Variants in BCLAF3 observed in about 807,000 individuals in gnomAD.
BCLAF3 encodes the protein BCLAF1 and THRAP3 family member 3, also known as transient octamer binding factor 1.
A neutral mutation model predicts 51.2 loss-of-function variants in BCLAF3; 24 were observed. The ratio of observed to expected loss-of-function variants is 0.47; its 90% CI spans 0.34 to 0.66. The LOEUF (loss-of-function observed/expected upper bound fraction) is 0.66, where lower values mean the gene tolerates loss of function less well. Ranked by LOEUF, BCLAF3 falls within the 30% of genes least tolerant of loss-of-function variation. BCLAF3 has a pLI of 0.01. For synonymous variants in BCLAF3, 152 were observed against 176.6 expected (o/e 0.86, Z 1.10); for missense variants, 465 against 525.1 (o/e 0.89, Z 1.12).
Position 19,935,918 on chromosome X carries a change from A to G in BCLAF3, c.1861-20T>C. The stretch of plus-strand genomic sequence containing the variant: ...ATAATTCTGCACGAAAAAAAGTAGT[A>G]GTGTGGGTTAACAGACTTTAAAGTT... On this transcript the variant is annotated intron_variant, in intron 9 of 11. Coordinates refer to ENST00000379682, the MANE Select transcript of BCLAF3 (RefSeq NM_001367774.2). The G allele has an allele frequency of 8.0e-6, 9 of 1,125,242 alleles. No homozygotes were observed. Among genetic ancestry groups the G allele is most frequent in the African/African-American group, 1.8e-5 (1 of 56,056 alleles). The allele number at this position is 1,125,242 out of a possible 1,213,427, so 92.7% of individuals were successfully genotyped here.
chrX:19,929,212 C>T (rs983681699), intron 11 of BCLAF3: 6 of 111,586 alleles, frequency 5.4e-5, no homozygotes, highest in Admixed American at 4.8e-4. Context: ...CAATTAAAAA[C>T]ATAAATTGCA....
At chrX:19,962,761 G>A (rs2071903249) in intron 4 of BCLAF3, among the ~76,000 whole-genome samples, 1 of 111,323 alleles carries the variant, frequency 9.0e-6, no homozygotes, top group South Asian at 3.7e-4. Context: ...CTGTATGTTT[G>A]AACATTTTCA....
intron 1 of BCLAF3, among the ~76,000 whole-genome samples, chrX:19,971,611 A>C (rs763575659): frequency 6.2e-4 from 70 of 112,228 alleles, no homozygotes; most frequent in Non-Finnish European, 1.1e-3. Flanking sequence ...AAAACACATA[A>C]GTAGGTATAA....
At chrX:19,920,450 G>GTGCA (rs2070108533) in intron 11 of BCLAF3, among the ~76,000 whole-genome samples, 1 of 111,489 alleles carries the variant, frequency 9.0e-6, no homozygotes, top group Non-Finnish European at 1.9e-5. Flanking sequence ...GTGTGTGTGT[G>GTGCA]TGCATGAATA....
At chrX:19,979,398 A>AT (rs1002228175) in intron 1 of BCLAF3, among the ~76,000 whole-genome samples, 14 of 108,340 alleles carry the variant, frequency 1.3e-4, no homozygotes, top group Admixed American at 4.0e-4. Context: ...GACCATCAGC[A>AT]TTTTTTTTTT....
chrX:19,963,366 T>C (rs371438978), intron 4 of BCLAF3, among the ~76,000 whole-genome samples: 5 of 109,149 alleles, frequency 4.6e-5, no homozygotes, highest in East Asian at 5.9e-4. Context: ...ATTCTTAAAC[T>C]TGGTACTTAC....
At chrX:19,918,950 C>A (rs988003995) in intron 11 of BCLAF3, among the ~76,000 whole-genome samples, 4 of 110,857 alleles carry the variant, frequency 3.6e-5, no homozygotes, top group African/African-American at 1.3e-4. Context: ...GGTCTTCCTG[C>A]ACCTCATTTC....
At chrX:19,933,178 T>C (rs903869552) in intron 10 of BCLAF3, among the ~76,000 whole-genome samples, 22 of 112,196 alleles carry the variant, frequency 2.0e-4, no homozygotes, top group Admixed American at 8.5e-4. Context: ...ATCAAAAATA[T>C]TAAGCTACTA....
At chrX:19,945,088 T>C (rs1386571479) in intron 8 of BCLAF3, among the ~76,000 whole-genome samples, 1 of 110,387 alleles carries the variant, frequency 9.1e-6, no homozygotes, top group Non-Finnish European at 1.9e-5. Flanking sequence ...GCTTCTGCAT[T>C]CTTCACGTAG....
At chrX:19,969,259 C>A (rs1284634552) in intron 2 of BCLAF3, among the ~76,000 whole-genome samples, 1 of 112,729 alleles carries the variant, frequency 8.9e-6, no homozygotes, top group Non-Finnish European at 1.9e-5. Context: ...AAACTGTTGA[C>A]AAAATGATTG....
chrX:19,952,610 A>G (rs1467221095), intron 7 of BCLAF3, among the ~76,000 whole-genome samples: 2 of 111,781 alleles, frequency 1.8e-5, no homozygotes, highest in South Asian at 7.4e-4. Context: ...GTTCCTGTGC[A>G]TTCATTCCAC....
intron 1 of BCLAF3, among the ~76,000 whole-genome samples, chrX:19,982,549 TCACACACACACACACACACACA>T (rs60433883): frequency 1.0e-5 from 1 of 97,174 alleles, no homozygotes; most frequent in South Asian, 4.8e-4. Flanking sequence ...AGATGCAATT[TCACACACACACACACACACACA>T]CACACACACA....
chrX:19,969,204 C>T (rs2072174874), intron 2 of BCLAF3, among the ~76,000 whole-genome samples: 1 of 112,947 alleles, frequency 8.9e-6, no homozygotes, highest in Non-Finnish European at 1.9e-5. Context: ...TTTTCTTTCT[C>T]AAGTTCCTTG....
intron 10 of BCLAF3, chrX:19,935,359 T>C (rs1352345981): frequency 8.7e-6 from 1 of 114,974 alleles, no homozygotes. Flanking sequence ...CAAAGCTACC[T>C]GGACCAGAAT....
chrX:19,939,665 A>C (rs2070923669), intron 8 of BCLAF3, among the ~76,000 whole-genome samples: 1 of 112,283 alleles, frequency 8.9e-6, no homozygotes, highest in African/African-American at 3.2e-5. Flanking sequence ...AGCAATACAA[A>C]TGTCCACAGA....
At chrX:19,932,142 T>C (rs986136609) in intron 10 of BCLAF3, among the ~76,000 whole-genome samples, 4 of 112,532 alleles carry the variant, frequency 3.6e-5, no homozygotes, top group African/African-American at 1.3e-4. Flanking sequence ...AGAAGATTGA[T>C]ATATAAACTT....
At chrX:19,964,195 T>TTAAAA (rs2071965436) in intron 4 of BCLAF3, among the ~76,000 whole-genome samples, 1 of 111,544 alleles carries the variant, frequency 9.0e-6, no homozygotes, top group Non-Finnish European at 1.9e-5. Flanking sequence ...CCCCCCTTTT[T>TTAAAA]CATTCACATA....
intron 1 of BCLAF3, among the ~76,000 whole-genome samples, chrX:19,988,393 A>G (rs2072868751): frequency 8.9e-6 from 1 of 112,221 alleles, no homozygotes; most frequent in South Asian, 3.6e-4. Flanking sequence ...AAAGGGTATC[A>G]GAGAATAGCC....
At position 19,927,605 on chromosome X, in the gene BCLAF3, C is replaced by T. The variant is rs771389532; in HGVS notation, c.2106+2180G>A. Among the ~76,000 whole-genome samples the T allele has an allele frequency of 5.4e-5, 6 of 111,011 alleles. No individual in the cohort carries two copies. In the South Asian group the frequency reaches 1.5e-3, roughly 28 times the overall value. ...AAAATCATGAACTAAAATGAGCCTACGAATTGACAAACATGCCTCACTTAC... is the reference window on the plus strand; with the variant it reads ...AAAATCATGAACTAAAATGAGCCTATGAATTGACAAACATGCCTCACTTAC... On this transcript the variant is annotated intron_variant, in intron 11 of 11. Coordinates refer to ENST00000379682, the MANE Select transcript of BCLAF3 (RefSeq NM_001367774.2).
Sources: gnomAD v4.1 joint callset for allele counts (sites outside exome capture counted in the v4.1 genomes callset) on GRCh38, gnomAD v4.1.1 for gene constraint, MANE v1.5 for transcripts, NCBI Gene and HGNC (gene_info 2026-07-23, HGNC 2026-07-21) for gene names.